The following ACTN4 variants were observed in gnomAD, a reference collection of about 807,000 sequenced individuals.
ACTN4 encodes the protein actinin alpha 4.
A neutral mutation model predicts 114.2 loss-of-function variants in ACTN4; 18 were observed. The observed-to-expected ratio is 0.16, with a 90% CI of 0.11 to 0.23. The LOEUF is 0.23. Ranked by LOEUF, ACTN4 falls within the 10% of genes least tolerant of loss-of-function variation. ACTN4 has a pLI of 1.00. For missense variants in ACTN4, 722 were observed against 1,262.9 expected (o/e 0.57, Z 6.49); for synonymous variants, 515 against 506.3 (o/e 1.02, Z -0.23).
intron 1 of ACTN4, among the ~76,000 whole-genome samples, chr19:38,659,698 A>G (rs1012864106): frequency 1.1e-4 from 16 of 152,170 alleles, no homozygotes; most frequent in Non-Finnish European, 2.2e-4. Context: ...TTAGGAGACA[A>G]CTTTCTTGCC....
intron 1 of ACTN4, among the ~76,000 whole-genome samples, chr19:38,685,275 C>T (rs1967706836): frequency 6.6e-6 from 1 of 152,214 alleles, no homozygotes. Context: ...CTACACCATC[C>T]TAGTGCTTGG....
intron 1 of ACTN4, among the ~76,000 whole-genome samples, chr19:38,699,255 C>T (rs749702): frequency 0.11 from 17,195 of 152,176 alleles, 1,096 homozygotes; most frequent in Middle Eastern, 0.26. Context: ...CAGGAGGCTG[C>T]GTGCCCTGTG....
chr19:38,700,339 C>G (rs1020483614), intron 1 of ACTN4, among the ~76,000 whole-genome samples: 1 of 152,180 alleles, frequency 6.6e-6, no homozygotes, highest in Non-Finnish European at 1.5e-5. Context: ...GGGTTCAAAT[C>G]CAAGCTCTGC....
In ACTN4 at chr19:38,670,221, C is replaced by A. The variant is rs948299046; in HGVS notation, c.162+22314C>A. ...AAGGGAGTTGGGGATCACGTAACAC[C>A]CTCCACTTCCACCTGGGATTTCAGG... On this transcript the variant is annotated intron_variant, in intron 1 of 20. Coordinates refer to ENST00000252699, the MANE Select transcript of ACTN4 (RefSeq NM_004924.6). Among the ~76,000 whole-genome samples the A allele has an allele frequency of 4.6e-5, 7 of 152,274 alleles. No homozygotes were observed. In the East Asian group the frequency reaches 1.4e-3, roughly 29 times the overall value.
At position 38,701,135 on chromosome 19, in the gene ACTN4, G is replaced by T; in HGVS notation, c.397+14G>T. 6.2e-7 allele frequency: 1 copy of T among 1,613,708 alleles called. No homozygotes were observed. Among genetic ancestry groups the T allele is most frequent in the South Asian group, 1.1e-5 (1 of 91,060 alleles). ...TCGGGGCAGAAGGTGAGCTGGAGGT[G>T]GGGCAGCGAGGGTCCTGCTCGGTTT... On this transcript the variant is annotated intron_variant, in intron 3 of 20. Transcript: ENST00000252699.
At chr19:38,649,474 C>T (rs1976493419) in intron 1 of ACTN4, among the ~76,000 whole-genome samples, 1 of 152,098 alleles carries the variant, frequency 6.6e-6, no homozygotes, top group African/African-American at 2.4e-5. Flanking sequence ...AGATTTGTTA[C>T]TGATTCGCTC....
intron 12 of ACTN4, among the ~76,000 whole-genome samples, chr19:38,722,477 A>C (rs1403973347): frequency 6.6e-6 from 1 of 152,002 alleles, no homozygotes; most frequent in African/African-American, 2.4e-5. Context: ...CCTGAGTCCA[A>C]GGCCCAGCCC....
Position 38,730,677 on chromosome 19 carries a change from C to G in ACTN4, c.*1245C>G. On this transcript the variant is annotated 3_prime_UTR_variant, in exon 21 of 21. Coordinates refer to ENST00000252699, the MANE Select transcript of ACTN4 (RefSeq NM_004924.6). Reference sequence around the variant, plus strand: ...AGAAGGGCTGTCGCTGTTCTTGTTTCTGAGTGAGGAGTACGCAGGCCAGAG... The same window carrying G: ...AGAAGGGCTGTCGCTGTTCTTGTTTGTGAGTGAGGAGTACGCAGGCCAGAG... The G allele has an allele frequency of 2.9e-6, 2 of 700,640 alleles. No individual in the cohort carries two copies. 43.4% of individuals were successfully genotyped at this position (700,640 alleles called of 1,614,324 possible). A position where few individuals can be genotyped will look rare whatever the true frequency, so the allele number is the denominator to read the frequency against.
At chr19:38,659,369 T>C (rs962159750) in intron 1 of ACTN4, among the ~76,000 whole-genome samples, 6 of 152,062 alleles carry the variant, frequency 3.9e-5, no homozygotes, top group African/African-American at 1.4e-4. Context: ...TTTGTAACTT[T>C]CATTAACACT....
At chr19:38,719,014 C>T (rs376843083) in intron 11 of ACTN4, among the ~76,000 whole-genome samples, 7 of 152,256 alleles carry the variant, frequency 4.6e-5, no homozygotes, top group African/African-American at 1.7e-4. Flanking sequence ...CATCCCTTCC[C>T]AGAGCCTCCT....
intron 1 of ACTN4, among the ~76,000 whole-genome samples, chr19:38,658,114 C>A (rs1976765632): frequency 6.6e-6 from 1 of 152,170 alleles, no homozygotes; most frequent in African/African-American, 2.4e-5. Flanking sequence ...GCACAGCAGC[C>A]TTGCCAGGTA....
intron 5 of ACTN4, 99 bp downstream of exon 5, chr19:38,706,230 A>T: frequency 1.6e-6 from 2 of 1,282,108 alleles, no homozygotes; most frequent in African/African-American, 2.9e-5. Flanking sequence ...GGTCTGTGAG[A>T]TGCCAGCCCT....
intron 1 of ACTN4, among the ~76,000 whole-genome samples, chr19:38,698,092 G>A (rs1163507141): frequency 6.6e-6 from 1 of 152,146 alleles, no homozygotes; most frequent in Non-Finnish European, 1.5e-5. Context: ...AGGGTGGGCC[G>A]GGGACAGAGC....
At chr19:38,705,841 C>G (rs1437001148) in intron 4 of ACTN4, among the ~76,000 whole-genome samples, 2 of 151,868 alleles carry the variant, frequency 1.3e-5, no homozygotes, top group Non-Finnish European at 2.9e-5. Flanking sequence ...TGTGTCCTGG[C>G]AGTTGGGCCT....
rs1555822758 is a variant in ACTN4 at position 38,659,065 on chromosome 19, C to CTTTTTTTGTT, written c.162+11165_162+11166insGTTTTTTTTT. Among the ~76,000 whole-genome samples, 509 of 111,694 alleles carry CTTTTTTTGTT rather than the reference C, an allele frequency of 4.6e-3. 15 individuals carry two copies. The highest frequency in any genetic ancestry group is 0.025 in the Middle Eastern group (4 of 162). 73.3% of individuals were successfully genotyped at this position (111,694 alleles called of 152,430 possible). Reference sequence around the variant, plus strand: ...TAACTTTTTTTTCTTCTTTTCTTTTCTTTTTTTTTTTTTGAGACGGAGTCT... The same window carrying CTTTTTTTGTT: ...TAACTTTTTTTTCTTCTTTTCTTTTCTTTTTTTGTTTTTTTTTTTTTTTGAGACGGAGTCT... On this transcript the variant is annotated intron_variant, in intron 1 of 20. Coordinates refer to ENST00000252699, the MANE Select transcript of ACTN4 (RefSeq NM_004924.6).
intron 1 of ACTN4, among the ~76,000 whole-genome samples, chr19:38,684,299 C>T (rs1967671118): frequency 6.6e-6 from 1 of 152,172 alleles, no homozygotes; most frequent in African/African-American, 2.4e-5. Flanking sequence ...CCCTTAGTGG[C>T]TTTCATGGGG....
rs527366606 is a variant in ACTN4, at chr19:38,688,799, T to C, written c.163-11801T>C. On this transcript the variant is annotated intron_variant, in intron 1 of 20. Transcript: ENST00000252699. ...CACCATGATGGCTATAATCAGAAAG[T>C]CAGATAATAAGTATTGACTAGGATG... Among the ~76,000 whole-genome samples, 13 of 151,978 alleles carry C rather than the reference T, an allele frequency of 8.6e-5. No individual in the cohort carries two copies. The East Asian group carries it at 2.5e-3, about 29-fold the overall frequency.
intron 19 of ACTN4, chr19:38,728,472 G>A (rs1170868659): frequency 5.9e-6 from 4 of 677,132 alleles, no homozygotes; most frequent in Admixed American, 4.2e-5. Flanking sequence ...CCCCCTCACC[G>A]CCTCCAGAGC....
At chr19:38,723,772 G>C in intron 13 of ACTN4, 50 bp downstream of exon 13, 1 of 1,514,122 alleles carries the variant, frequency 6.6e-7, no homozygotes, top group Non-Finnish European at 9.1e-7. Context: ...CTGCTGCCCC[G>C]GGGCTGGTGG....
Sources: allele counts gnomAD v4.1 joint callset (sites outside exome capture counted in the v4.1 genomes callset), GRCh38; gene constraint gnomAD v4.1.1; transcripts MANE v1.5; gene names NCBI Gene and HGNC (gene_info 2026-07-23, HGNC 2026-07-21).